Variants in TRIO observed in about 807,000 individuals in gnomAD.
The protein encoded by TRIO is triple functional domain protein.
TRIO carries 58 observed loss-of-function variants against 351.9 expected under a neutral mutation model. That is an observed-to-expected ratio of 0.16 (90% CI 0.13 to 0.21). The LOEUF is 0.21. TRIO is among the 10% of genes least tolerant of loss of function. The pLI, the probability that TRIO is intolerant of heterozygous loss-of-function variation, is 1.00. For synonymous variants in TRIO, 1,758 were observed against 1,595.7 expected (o/e 1.10, Z -2.42); for missense variants, 3,201 against 4,027.8 (o/e 0.79, Z 5.56).
chr5:14,143,920 C>T, intron 1 of TRIO, 38 bp downstream of exon 1: 1 of 1,054,170 alleles, frequency 9.5e-7, no homozygotes, highest in Non-Finnish European at 1.1e-6. Context: ...AGCGGCGCTG[C>T]CCCAAGCGCT....
chr5:14,483,476 C>A (rs1459909597), intron 46 of TRIO, among the ~76,000 whole-genome samples: 1 of 152,192 alleles, frequency 6.6e-6, no homozygotes, highest in Admixed American at 6.5e-5. Context: ...CTGCCCTACG[C>A]CATCAGGGAC....
chr5:14,461,699 GTC>G (rs563894211), intron 35 of TRIO, among the ~76,000 whole-genome samples: 97 of 152,340 alleles, frequency 6.4e-4, no homozygotes, highest in African/African-American at 2.3e-3. Flanking sequence ...GATTTGGGCA[GTC>G]TCTGAGCTGA....
intron 1 of TRIO, among the ~76,000 whole-genome samples, chr5:14,166,912 CCT>C (rs1445363975): frequency 6.6e-6 from 1 of 152,026 alleles, no homozygotes; most frequent in Non-Finnish European, 1.5e-5. Flanking sequence ...AGCAGCTACC[CCT>C]GTTTGTTGGG....
At chr5:14,455,963 G>A (rs27105) in intron 34 of TRIO, among the ~76,000 whole-genome samples, 25,215 of 152,276 alleles carry the variant, frequency 0.17, 2,150 homozygotes, top group Middle Eastern at 0.28. Flanking sequence ...GGAGCCCACC[G>A]CAGTGGGGCT....
At chr5:14,247,862 T>G (rs1794524509) in intron 1 of TRIO, among the ~76,000 whole-genome samples, 1 of 151,910 alleles carries the variant, frequency 6.6e-6, no homozygotes, top group African/African-American at 2.4e-5. Context: ...GGTCAGGAGT[T>G]CAAGACCAGC....
chr5:14,422,614 T>TGGGC lies in TRIO; in HGVS notation c.5203+2594_5203+2597dup, dbSNP rs1399285955. On this transcript the variant is annotated intron_variant, in intron 34 of 56. Transcript: ENST00000344204. ...CAGGTTCACGTGGTGGTTTTGAAGC[T>TGGGC]GGGCTAGACTTGGAAGTCTGTCGGA... 3.9e-5 allele frequency among the ~76,000 whole-genome samples: 6 copies of TGGGC among 152,358 alleles called. No homozygotes were observed. In the South Asian group the frequency reaches 1.2e-3, roughly 32 times the overall value.
At position 14,460,999 on chromosome 5, in the gene TRIO, C is replaced by A; in HGVS notation, c.5204-20C>A. On this transcript the variant is annotated intron_variant, in intron 34 of 56. Coordinates refer to ENST00000344204, the MANE Select transcript of TRIO (RefSeq NM_007118.4). The stretch of plus-strand genomic sequence containing the variant: ...GGGTCTGTGCGAGTCAGTGATACTC[C>A]CTCTCTTTCTCCCTGGCAGACTCGC... 1 of 1,538,494 alleles carries A rather than the reference C, an allele frequency of 6.5e-7. No individual in the cohort carries two copies. The highest frequency in any genetic ancestry group is 8.8e-7 in the Non-Finnish European group (1 of 1,139,502).
chr5:14,182,593 G>T (rs1031247698), intron 1 of TRIO, among the ~76,000 whole-genome samples: 3 of 152,280 alleles, frequency 2.0e-5, no homozygotes, highest in African/African-American at 7.2e-5. Flanking sequence ...AAAAATTAGT[G>T]AGAAATTTAC....
intron 34 of TRIO, among the ~76,000 whole-genome samples, chr5:14,437,258 T>G (rs1751658214): frequency 6.6e-6 from 1 of 152,206 alleles, no homozygotes; most frequent in Non-Finnish European, 1.5e-5. Context: ...GTTTCAGAAT[T>G]GCTAACCCAT....
At chr5:14,498,911 T>C (rs1228025603) in intron 53 of TRIO, 2 of 367,506 alleles carry the variant, frequency 5.4e-6, no homozygotes, top group Non-Finnish European at 9.9e-6. Context: ...GGTGAAGGCC[T>C]CTGGCTGCCC....
intron 13 of TRIO, among the ~76,000 whole-genome samples, chr5:14,361,515 G>A (rs542741825): frequency 1.3e-5 from 2 of 152,342 alleles, no homozygotes; most frequent in South Asian, 2.1e-4. Context: ...AATCTGAGCA[G>A]TTCAGGCTTT....
chr5:14,371,799 C>T (rs1745130747), intron 18 of TRIO, among the ~76,000 whole-genome samples: 1 of 152,032 alleles, frequency 6.6e-6, no homozygotes. Context: ...TGCCACCACA[C>T]CTGGCTAATT....
intron 33 of TRIO, among the ~76,000 whole-genome samples, chr5:14,419,110 C>T (rs1297494359): frequency 6.6e-6 from 1 of 152,032 alleles, no homozygotes; most frequent in Non-Finnish European, 1.5e-5. Context: ...CCAGAAAATC[C>T]AGGACCTCTG....
intron 12 of TRIO, 64 bp downstream of exon 12, chr5:14,358,411 C>T: frequency 6.3e-7 from 1 of 1,579,562 alleles, no homozygotes; most frequent in Non-Finnish European, 8.6e-7. Flanking sequence ...TCCCCTTCCC[C>T]TTTTACTCTT....
intron 37 of TRIO, among the ~76,000 whole-genome samples, chr5:14,466,866 C>T (rs906843241): frequency 6.6e-6 from 1 of 152,194 alleles, no homozygotes; most frequent in Non-Finnish European, 1.5e-5. Flanking sequence ...TACCTCTTTC[C>T]TTTATTTAAT....
intron 40 of TRIO, among the ~76,000 whole-genome samples, chr5:14,476,682 T>C (rs900088647): frequency 2.0e-5 from 3 of 151,194 alleles, no homozygotes; most frequent in Admixed American, 2.0e-4. Flanking sequence ...TAACCCCAGC[T>C]ACTTGGGAGG....
chr5:14,297,970 C>G (rs1737510761), intron 7 of TRIO, among the ~76,000 whole-genome samples: 1 of 152,182 alleles, frequency 6.6e-6, no homozygotes, highest in African/African-American at 2.4e-5. Context: ...CACATTTCCC[C>G]TCGGCTAGTC....
intron 33 of TRIO, among the ~76,000 whole-genome samples, chr5:14,417,583 G>A (rs1749749862): frequency 6.6e-6 from 1 of 152,178 alleles, no homozygotes; most frequent in South Asian, 2.1e-4. Context: ...TTCCCAGCAG[G>A]AGGCTGGGCC....
chr5:14,354,109 G>A (rs989478882), intron 11 of TRIO, among the ~76,000 whole-genome samples: 9 of 152,178 alleles, frequency 5.9e-5, no homozygotes, highest in Non-Finnish European at 1.0e-4. Flanking sequence ...CGGCTGGCAG[G>A]GCTTCAGGGA....
Sources: allele counts gnomAD v4.1 joint callset (sites outside exome capture counted in the v4.1 genomes callset), GRCh38; gene constraint gnomAD v4.1.1; transcripts MANE v1.5; gene names NCBI Gene and HGNC (gene_info 2026-07-23, HGNC 2026-07-21).